FBXO11: variants seen among roughly 807,000 people sequenced by gnomAD.
FBXO11 encodes F-box only protein 11.
A neutral mutation model predicts 117.0 loss-of-function variants in FBXO11; 13 were observed. The ratio of observed to expected loss-of-function variants is 0.11; its 90% confidence interval spans 0.07 to 0.18. The LOEUF is 0.18. Ranked by LOEUF, FBXO11 falls within the 10% of genes least tolerant of loss-of-function variation. FBXO11 has a pLI of 1.00. For missense variants in FBXO11, 767 were observed against 1,164.4 expected (o/e 0.66, Z 4.97); for synonymous variants, 490 against 380.5 (o/e 1.29, Z -3.35).
intron 1 of FBXO11, among the ~76,000 whole-genome samples, chr2:47,861,062 C>T (rs1347613020): frequency 6.6e-6 from 1 of 151,718 alleles, no homozygotes; most frequent in African/African-American, 2.4e-5. Flanking sequence ...GTTGGTTAGG[C>T]TGGTTTCGAA....
intron 11 of FBXO11, among the ~76,000 whole-genome samples, chr2:47,828,462 G>C (rs1671927814): frequency 6.6e-6 from 1 of 152,122 alleles, no homozygotes; most frequent in Non-Finnish European, 1.5e-5. Flanking sequence ...ACAAAAGTTA[G>C]CTGTGCGTGC....
rs537898589 is a variant in FBXO11, at chr2:47,815,319, C to T, written c.2007-1452G>A. 5.3e-5 allele frequency among the ~76,000 whole-genome samples: 8 copies of T among 152,288 alleles called. 1 individual carries two copies. The highest frequency in any genetic ancestry group is 2.1e-4 in the South Asian group (1 of 4,814). On this transcript the variant is annotated intron_variant, in intron 16 of 22. Coordinates refer to ENST00000403359, the MANE Select transcript of FBXO11 (RefSeq NM_001190274.2). ...TTCCCCTTCCCCTGGGTATCCCCCT[C>T]GGGAATGAGGATCTTCCAGGGAGAA...
intron 1 of FBXO11, among the ~76,000 whole-genome samples, chr2:47,854,060 C>A (rs1674085383): frequency 6.6e-6 from 1 of 152,132 alleles, no homozygotes; most frequent in Admixed American, 6.5e-5. Flanking sequence ...AAAACTATTC[C>A]AACAATCCTG....
At chr2:47,859,041 CAAAAA>C (rs11337552) in intron 1 of FBXO11, among the ~76,000 whole-genome samples, 1 of 103,174 alleles carries the variant, frequency 9.7e-6, no homozygotes. Context: ...ACTCTGTCTC[CAAAAA>C]AAAAAAAAAA....
chr2:47,837,032 C>T (rs1196363640), intron 4 of FBXO11: 4 of 244,234 alleles, frequency 1.6e-5, no homozygotes, highest in South Asian at 1.5e-4. Flanking sequence ...GCCACTTCGC[C>T]TAGCCTAAAA....
intron 20 of FBXO11, 38 bp from the exon 21 acceptor site, chr2:47,809,304 A>G (rs1390054096): frequency 1.5e-6 from 2 of 1,328,404 alleles, no homozygotes; most frequent in South Asian, 2.6e-5. Flanking sequence ...ATTCAGAGGA[A>G]TGTTAATATT....
intron 1 of FBXO11, among the ~76,000 whole-genome samples, chr2:47,859,016 G>A (rs1674539880): frequency 7.0e-6 from 1 of 143,542 alleles, no homozygotes; most frequent in Non-Finnish European, 1.5e-5. Flanking sequence ...ACTCCAGCCT[G>A]GGCGACTGAG....
Position 47,821,290 on chromosome 2 carries a change from C to A in FBXO11, c.1703-834G>T, listed in dbSNP as rs1313645170. On this transcript the variant is annotated intron_variant, in intron 13 of 22. Transcript: ENST00000403359. ...GCCAGGAGTTCAAAACCAGCCTGGC[C>A]AACATGGCAAAACCTGTCTCTATTA... 2.6e-5 allele frequency among the ~76,000 whole-genome samples: 4 copies of A among 151,804 alleles called. No homozygotes were observed. The East Asian group carries it at 7.8e-4, about 30-fold the overall frequency.
At chr2:47,808,591 G>C (rs1184740234) in intron 21 of FBXO11, 164 bp from the exon 22 acceptor site, 1 of 529,452 alleles carries the variant, frequency 1.9e-6, no homozygotes. Context: ...AATGGAGTAA[G>C]TGATTTTCCT....
At chr2:47,902,213 C>G (rs1006009920) in intron 1 of FBXO11, among the ~76,000 whole-genome samples, 9 of 152,196 alleles carry the variant, frequency 5.9e-5, no homozygotes, top group Admixed American at 5.9e-4. Context: ...GGATTACAGG[C>G]GTGAGCCATT....
intron 4 of FBXO11, 115 bp from the exon 5 acceptor site, chr2:47,836,116 A>C (rs563830086): frequency 1.4e-5 from 9 of 624,706 alleles, no homozygotes; most frequent in Admixed American, 3.3e-5. Flanking sequence ...GAAAGTAAGA[A>C]TAGACAAAAA....
rs1678808218 is a variant in FBXO11, at chr2:47,906,267, T to G, written c.-547A>C. On this transcript the variant is annotated 5_prime_UTR_variant, in exon 1 of 23. Transcript: ENST00000403359. ...CCCCACACCCCCTGAAAGAGATTTC[T>G]GTGAGGAATTTTTCTCTCTTTCTTC... 6.4e-6 allele frequency: 1 copy of G among 157,082 alleles called. No individual in the cohort carries two copies. The highest frequency in any genetic ancestry group is 2.4e-5 in the African/African-American group (1 of 41,448). 9.7% of individuals were successfully genotyped at this position (157,082 alleles called of 1,614,324 possible). A position where few individuals can be genotyped will look rare whatever the true frequency, so the allele number is the denominator to read the frequency against.
At chr2:47,849,281 T>A (rs1157840258) in intron 1 of FBXO11, among the ~76,000 whole-genome samples, 1 of 152,244 alleles carries the variant, frequency 6.6e-6, no homozygotes, top group Non-Finnish European at 1.5e-5. Context: ...AAAAACTTTT[T>A]AAAAGCTTGA....
intron 1 of FBXO11, among the ~76,000 whole-genome samples, chr2:47,872,922 ATTTC>A (rs1675729707): frequency 6.6e-6 from 1 of 152,188 alleles, no homozygotes; most frequent in South Asian, 2.1e-4. Flanking sequence ...TAACATTTTT[ATTTC>A]TTTAATACAG....
At chr2:47,835,779 T>G in intron 5 of FBXO11, 93 bp downstream of exon 5, 169 of 978,796 alleles carry the variant, frequency 1.7e-4, no homozygotes, top group Non-Finnish European at 2.2e-4. Context: ...ATTACAGGTG[T>G]GAGCCACCAC....
chr2:47,873,147 T>C (rs1477257147), intron 1 of FBXO11, among the ~76,000 whole-genome samples: 1 of 152,202 alleles, frequency 6.6e-6, no homozygotes, highest in Non-Finnish European at 1.5e-5. Flanking sequence ...TAGCCTCTTC[T>C]TGAAAGGTGT....
At chr2:47,898,777 G>C (rs745680602) in intron 1 of FBXO11, among the ~76,000 whole-genome samples, 5 of 152,150 alleles carry the variant, frequency 3.3e-5, no homozygotes, top group Admixed American at 6.5e-5. Context: ...TCTGCTTCAA[G>C]GGGCAGGTTA....
intron 1 of FBXO11, chr2:47,865,712 A>C (rs1213930421): frequency 6.6e-6 from 1 of 152,232 alleles, no homozygotes; most frequent in Non-Finnish European, 1.5e-5. Context: ...TCTTAAATAA[A>C]TTTAAGACAC....
At chr2:47,899,076 C>T (rs1453212219) in intron 1 of FBXO11, among the ~76,000 whole-genome samples, 1 of 151,914 alleles carries the variant, frequency 6.6e-6, no homozygotes, top group Non-Finnish European at 1.5e-5. Context: ...AGATCGAGAC[C>T]ATCCTGGCTA....
Sources: gnomAD v4.1 joint callset for allele counts (sites outside exome capture counted in the v4.1 genomes callset) on GRCh38, gnomAD v4.1.1 for gene constraint, MANE v1.5 for transcripts, NCBI Gene and HGNC (gene_info 2026-07-23, HGNC 2026-07-21) for gene names.